The following ADGRL2 variants were observed in gnomAD, a reference collection of about 807,000 sequenced individuals.
The protein encoded by ADGRL2 is calcium-independent alpha-latrotoxin receptor 2.
Under a neutral mutation model 157.4 loss-of-function variants are expected in ADGRL2, and 44 were observed. That is an observed-to-expected ratio of 0.28 (90% CI 0.22 to 0.36). The LOEUF (loss-of-function observed/expected upper bound fraction) is 0.36. Among genes scored for constraint, ADGRL2 ranks in the 10% least tolerant of loss-of-function variants. The pLI, the probability that ADGRL2 is intolerant of heterozygous loss-of-function variation, is 1.00. For synonymous variants in ADGRL2, 585 were observed against 624.7 expected (o/e 0.94, Z 0.95); for missense variants, 1,510 against 1,768.9 (o/e 0.85, Z 2.63).
intron 2 of ADGRL2, among the ~76,000 whole-genome samples, chr1:81,531,346 CCT>C (rs138465149): frequency 0.02 from 3,012 of 152,154 alleles, 97 homozygotes; most frequent in African/African-American, 0.069. Flanking sequence ...AACTTTTGAA[CCT>C]ATATACTGTG....
intron 3 of ADGRL2, among the ~76,000 whole-genome samples, chr1:81,622,132 C>T (rs2081805789): frequency 6.6e-6 from 1 of 152,148 alleles, no homozygotes; most frequent in Non-Finnish European, 1.5e-5. Context: ...CTCATCATTA[C>T]AGAACTAATA....
chr1:81,361,341 A>G (rs1020528953), intron 1 of ADGRL2, among the ~76,000 whole-genome samples: 7 of 151,910 alleles, frequency 4.6e-5, no homozygotes, highest in Non-Finnish European at 1.0e-4. Context: ...AGTCAAACTT[A>G]TCTTGATTGG....
At chr1:81,804,762 A>AGAAG (rs1233981023) in intron 1 of ADGRL2, among the ~76,000 whole-genome samples, 1 of 152,194 alleles carries the variant, frequency 6.6e-6, no homozygotes, top group African/African-American at 2.4e-5. Flanking sequence ...TTTCCTTCTA[A>AGAAG]CTTAATGCTT....
intron 1 of ADGRL2, among the ~76,000 whole-genome samples, chr1:81,751,202 A>G (rs1479636777): frequency 6.6e-6 from 1 of 152,188 alleles, no homozygotes. Context: ...ATTATAATCT[A>G]TTGGGTAAAA....
intron 3 of ADGRL2, among the ~76,000 whole-genome samples, chr1:81,657,932 T>C (rs186956759): frequency 1.3e-3 from 203 of 152,292 alleles, no homozygotes; most frequent in African/African-American, 4.8e-3. Context: ...TAAGGAGACG[T>C]AAATTACTTA....
intron 1 of ADGRL2, among the ~76,000 whole-genome samples, chr1:81,802,243 G>A (rs749437968): frequency 1.1e-3 from 166 of 152,226 alleles, no homozygotes; most frequent in Non-Finnish European, 1.9e-3. Context: ...AGAGCCGCAG[G>A]AGCGAACAAT....
chr1:81,871,724 A>G (rs1275990322), intron 2 of ADGRL2, among the ~76,000 whole-genome samples: 1 of 152,134 alleles, frequency 6.6e-6, no homozygotes, highest in Non-Finnish European at 1.5e-5. Flanking sequence ...TTGGCTGCAT[A>G]AATGTCTTCT....
intron 2 of ADGRL2, among the ~76,000 whole-genome samples, chr1:81,788,822 T>A (rs1312804883): frequency 2.6e-5 from 4 of 152,176 alleles, no homozygotes; most frequent in Non-Finnish European, 4.4e-5. Context: ...TTCAAGTGAT[T>A]CTCCTGCTTC....
At position 81,693,543 on chromosome 1, in the gene ADGRL2, A is replaced by G. The variant is rs181523928; in HGVS notation, c.-142-68268A>G. On this transcript the variant is annotated intron_variant, in intron 3 of 24. Coordinates refer to the ADGRL2 transcript ENST00000370721. The stretch of plus-strand genomic sequence containing the variant: ...AAACTATGGGTCAGATTACTTCATA[A>G]TAAAGATTTTGGAGAGAATGGCATC... Among the ~76,000 whole-genome samples the G allele has an allele frequency of 1.2e-4, 19 of 152,340 alleles. No individual in the cohort carries two copies. The East Asian group carries it at 3.3e-3, about 26-fold the overall frequency.
At chr1:81,540,791 T>A (rs911362425) in intron 2 of ADGRL2, among the ~76,000 whole-genome samples, 4 of 152,198 alleles carry the variant, frequency 2.6e-5, no homozygotes, top group Admixed American at 6.5e-5. Context: ...AAGGTAATTA[T>A]GTGAATTAGC....
At chr1:81,486,519 A>C (rs998243384) in intron 2 of ADGRL2, among the ~76,000 whole-genome samples, 1 of 152,212 alleles carries the variant, frequency 6.6e-6, no homozygotes, top group Non-Finnish European at 1.5e-5. Context: ...CCAATGCAGA[A>C]TATCTACTAC....
intron 2 of ADGRL2, among the ~76,000 whole-genome samples, chr1:81,871,202 G>A (rs182791623): frequency 5.2e-4 from 78 of 150,798 alleles, no homozygotes; most frequent in Middle Eastern, 3.4e-3. Flanking sequence ...TTCTGTCCTT[G>A]TGACAGTTTG....
chr1:81,390,636 A>T (rs1017781301), intron 1 of ADGRL2, among the ~76,000 whole-genome samples: 9 of 152,414 alleles, frequency 5.9e-5, no homozygotes, highest in Middle Eastern at 3.4e-3. Context: ...CTATCCTAAT[A>T]GATTTATGTA....
chr1:81,993,103 T>A lies in ADGRL2; in HGVS notation c.*1958T>A, dbSNP rs1291971262. 1.2e-3 allele frequency among the ~76,000 whole-genome samples: 118 copies of A among 94,758 alleles called. No individual in the cohort carries two copies. Among genetic ancestry groups the A allele is most frequent in the Middle Eastern group, 4.9e-3 (1 of 206 alleles). 62.2% of individuals were successfully genotyped at this position (94,758 alleles called of 152,430 possible). A position where few individuals can be genotyped will look rare whatever the true frequency, so the allele number is the denominator to read the frequency against. On this transcript the variant is annotated 3_prime_UTR_variant, in exon 24 of 24. Transcript: ENST00000686636. Reference sequence around the variant, plus strand: ...TATATATATATTTTTTTTTTTTTTTTTTTTTTTTTTTTTTTTGGGACAGAG... The same window carrying A: ...TATATATATATTTTTTTTTTTTTTTATTTTTTTTTTTTTTTTGGGACAGAG...
chr1:81,723,148 C>T, intron 1 of ADGRL2: 1 of 617,448 alleles, frequency 1.6e-6, no homozygotes. Flanking sequence ...ATAATACAAA[C>T]CAGTGTACCT....
At chr1:81,714,299 G>T (rs955071631) in intron 1 of ADGRL2, among the ~76,000 whole-genome samples, 8 of 152,184 alleles carry the variant, frequency 5.3e-5, no homozygotes, top group African/African-American at 1.9e-4. Flanking sequence ...CAGAGCAAGA[G>T]ATATAAATTA....
chr1:81,956,486 T>C (rs1405433639), intron 11 of ADGRL2, among the ~76,000 whole-genome samples: 1 of 152,194 alleles, frequency 6.6e-6, no homozygotes, highest in African/African-American at 2.4e-5. Flanking sequence ...GTCAGATGTT[T>C]GTATTAAACA....
intron 3 of ADGRL2, among the ~76,000 whole-genome samples, chr1:81,584,449 G>A (rs572149036): frequency 1.3e-5 from 2 of 151,954 alleles, no homozygotes; most frequent in East Asian, 1.9e-4. Flanking sequence ...CAAACAATTC[G>A]TATTTACTTA....
intron 2 of ADGRL2, among the ~76,000 whole-genome samples, chr1:81,893,018 T>C (rs1417038365): frequency 6.6e-6 from 1 of 152,084 alleles, no homozygotes; most frequent in East Asian, 1.9e-4. Context: ...CTTCTTCAAG[T>C]TTTGCCAAGT....
Sources: allele counts gnomAD v4.1 joint callset (sites outside exome capture counted in the v4.1 genomes callset), GRCh38; gene constraint gnomAD v4.1.1; transcripts MANE v1.5; gene names NCBI Gene and HGNC (gene_info 2026-07-23, HGNC 2026-07-21).